Variants in TMEM26 observed in about 807,000 individuals in gnomAD.
TMEM26 encodes transmembrane protein 26.
Under a neutral mutation model 28.8 loss-of-function variants are expected in TMEM26, and 38 were observed. That is an observed-to-expected ratio of 1.32 (90% CI 1.02 to 1.73). The LOEUF is 1.73. TMEM26 is among the 40% of genes most tolerant of loss of function. The pLI, the probability that TMEM26 is intolerant of heterozygous loss-of-function variation, is 0.00. For missense variants in TMEM26, 518 were observed against 447.1 expected, an observed-to-expected ratio of 1.16 and a Z score of -1.43; for synonymous variants, 227 against 182.9, an observed-to-expected ratio of 1.24 and a Z score of -1.95.
rs1564487323 is a variant in TMEM26, at chr10:61,452,897, T to A, written c.185A>T (p.Tyr62Phe). 1 of 1,612,922 alleles carries A rather than the reference T, an allele frequency of 6.2e-7. No homozygotes were observed. Among genetic ancestry groups the A allele is most frequent in the African/African-American group, 1.3e-5 (1 of 75,014 alleles). ...LTLKFKRGRG[Y>F]KWFSPAIFLY... ...TTTCCCGGGGCACTCTCACCATTTG[T>A]AGCCTCTGCCGCGCTTGAACTTGAG... Residue 62 changes from tyrosine (Y) to phenylalanine (F), a missense_variant, in exon 1 of 6, where the codon TAC becomes TTC. Physicochemically the swap from Tyr to Phe is conservative, Grantham distance 22. Coordinates refer to ENST00000399298, the MANE Select transcript of TMEM26 (RefSeq NM_178505.8).
At chr10:61,415,045 T>G in intron 4 of TMEM26, 2 of 985,340 alleles carry the variant, frequency 2.0e-6, no homozygotes, top group South Asian at 9.4e-5. Flanking sequence ...TTATCATGAC[T>G]TGGTGGACAT....
At chr10:61,439,761 T>C (rs12244298) in intron 1 of TMEM26, among the ~76,000 whole-genome samples, 15,026 of 152,160 alleles carry the variant, frequency 0.099, 1,586 homozygotes, top group African/African-American at 0.26. Flanking sequence ...TGCAATGAGA[T>C]TGACACTTTA....
At chr10:61,450,989 G>A (rs1840268933) in intron 1 of TMEM26, among the ~76,000 whole-genome samples, 1 of 152,110 alleles carries the variant, frequency 6.6e-6, no homozygotes, top group Non-Finnish European at 1.5e-5. Flanking sequence ...TCACCTATGA[G>A]GTAAGTATTC....
chr10:61,427,438 G>A (rs370973439), intron 4 of TMEM26, among the ~76,000 whole-genome samples: 2 of 152,112 alleles, frequency 1.3e-5, no homozygotes, highest in South Asian at 4.1e-4. Flanking sequence ...GTGGGTGAGT[G>A]AAAAAATGCC....
chr10:61,449,289 A>AT (rs958659918), intron 1 of TMEM26, among the ~76,000 whole-genome samples: 1 of 151,174 alleles, frequency 6.6e-6, no homozygotes, highest in Non-Finnish European at 1.5e-5. Context: ...AGGAGTGCAT[A>AT]TTTTTTTTAG....
intron 2 of TMEM26, among the ~76,000 whole-genome samples, chr10:61,433,620 G>A (rs377465280): frequency 2.8e-4 from 42 of 152,246 alleles, no homozygotes; most frequent in Admixed American, 1.7e-3. Flanking sequence ...ATTCAGGAAT[G>A]AAGGTAAGAA....
chr10:61,448,598 G>T (rs539209574), intron 1 of TMEM26, among the ~76,000 whole-genome samples: 1 of 150,080 alleles, frequency 6.7e-6, no homozygotes, highest in South Asian at 2.1e-4. Context: ...AATGTCGACC[G>T]TGTTTGTTTT....
intron 4 of TMEM26, among the ~76,000 whole-genome samples, chr10:61,420,855 G>C (rs1313876481): frequency 5.3e-5 from 8 of 152,042 alleles, no homozygotes; most frequent in Admixed American, 1.3e-4. Flanking sequence ...TGAAGTGCAT[G>C]AAAATGATAA....
rs1839550734 is a variant in TMEM26, at chr10:61,410,484, C to T, written c.945G>A (p.Leu315=). ...CTTTCAGGCCTTCTGACTGACTTCT[C>T]AACGAAGCACGGACTGCCAATGCCA... ...VVLALAVRAS[L]RSQSEGLKGE... Residue 315 remains leucine, a synonymous_variant, in exon 6 of 6, where the codon TTG becomes TTA. Transcript: ENST00000399298. The T allele has an allele frequency of 6.2e-7, 1 of 1,614,140 alleles. No individual in the cohort carries two copies. The highest frequency in any genetic ancestry group is 8.5e-7 in the Non-Finnish European group (1 of 1,180,026).
chr10:61,413,405 A>G (rs1349691181), intron 5 of TMEM26, 54 bp downstream of exon 5: 1 of 1,591,816 alleles, frequency 6.3e-7, no homozygotes, highest in Non-Finnish European at 8.5e-7. Context: ...TAGCATAGTT[A>G]ATAATCAAGA....
Position 61,412,894 on chromosome 10 carries a change from T to C in TMEM26, c.682+565A>G, listed in dbSNP as rs1445108611. ...AAACAGATTACTTCTTGCAAAATCT[T>C]AGGGGTTTATGTTTTTATTAAAGTA... is the stretch of plus-strand genomic sequence containing the variant. On this transcript the variant is annotated intron_variant, in intron 5 of 5. Coordinates refer to ENST00000399298, the MANE Select transcript of TMEM26 (RefSeq NM_178505.8). The C allele has an allele frequency of 2.4e-6, 3 of 1,269,576 alleles. No homozygotes were observed. The South Asian group carries it at 4.0e-5, about 17-fold the overall frequency. The allele number at this position is 1,269,576 out of a possible 1,614,324, so 78.6% of individuals were successfully genotyped here.
chr10:61,440,514 CAAAAAAAA>C (rs60111640), intron 1 of TMEM26, among the ~76,000 whole-genome samples: 59 of 99,056 alleles, frequency 6.0e-4, no homozygotes, highest in Admixed American at 3.2e-3. Flanking sequence ...TTCCAGTTCT[CAAAAAAAA>C]AAAAAAAAAA....
rs578056407 is a variant in TMEM26 at position 61,423,979 on chromosome 10, A to C, written c.605+4947T>G. Among the ~76,000 whole-genome samples the C allele has an allele frequency of 5.0e-4, 76 of 152,348 alleles. 1 individual carries two copies. Among genetic ancestry groups the C allele is most frequent in the African/African-American group, 1.8e-3 (74 of 41,578 alleles). ...TCAAACTGGTAAAGGGCATCTATACAAAACCCACAAGTAACATCATCTTTA... is the reference window on the plus strand; with the variant it reads ...TCAAACTGGTAAAGGGCATCTATACCAAACCCACAAGTAACATCATCTTTA... On this transcript the variant is annotated intron_variant, in intron 4 of 5. Coordinates refer to ENST00000399298, the MANE Select transcript of TMEM26 (RefSeq NM_178505.8).
At chr10:61,441,825 A>G (rs1840097794) in intron 1 of TMEM26, among the ~76,000 whole-genome samples, 1 of 152,220 alleles carries the variant, frequency 6.6e-6, no homozygotes, top group Non-Finnish European at 1.5e-5. Flanking sequence ...CTTGTCCAAT[A>G]TGAATTCTTC....
chr10:61,410,629 G>T lies in TMEM26; in HGVS notation c.800C>A (p.Pro267His). 6.2e-7 allele frequency: 1 copy of T among 1,614,074 alleles called. No homozygotes were observed. Among genetic ancestry groups the T allele is most frequent in the Non-Finnish European group, 8.5e-7 (1 of 1,179,994 alleles). ...IGISVFIQDGPFLVVRLILMT... is the reference protein window; with the variant it reads ...IGISVFIQDGHFLVVRLILMT... ...CAGTATGAGACGCACGACAAGGAAG[G>T]GGCCATCTTGTATGAAGACGCTGAT... The change falls in exon 6 of 6, where the codon CCC becomes CAC. Residue 267 changes from proline (P) to histidine (H), a missense_variant. Coordinates refer to ENST00000399298, the MANE Select transcript of TMEM26 (RefSeq NM_178505.8).
At chr10:61,415,590 A>G (rs1839638460) in intron 4 of TMEM26, among the ~76,000 whole-genome samples, 1 of 152,094 alleles carries the variant, frequency 6.6e-6, no homozygotes, top group East Asian at 1.9e-4. Context: ...AGAGTTGAGG[A>G]AATTTGTCCA....
At chr10:61,441,862 A>G (rs1490740143) in intron 1 of TMEM26, among the ~76,000 whole-genome samples, 1 of 152,064 alleles carries the variant, frequency 6.6e-6, no homozygotes. Flanking sequence ...GCTCAACTAT[A>G]TTTTCATATA....
intron 1 of TMEM26, among the ~76,000 whole-genome samples, 179 bp from the exon 2 acceptor site, chr10:61,436,427 A>G (rs969873668): frequency 5.3e-5 from 8 of 152,324 alleles, no homozygotes; most frequent in Middle Eastern, 3.4e-3. Flanking sequence ...GATTTCTGCC[A>G]TATGGATTAT....
At position 61,410,343 on chromosome 10, in the gene TMEM26, G is replaced by A. The variant is rs545126171; in HGVS notation, c.1086C>T (p.Asp362=). The A allele has an allele frequency of 1.2e-6, 2 of 1,612,890 alleles. No homozygotes were observed. Among genetic ancestry groups the A allele is most frequent in the Non-Finnish European group, 1.7e-6 (2 of 1,179,198 alleles). ...IPLRGSPVTS[D]DSHHTP is the part of the protein sequence containing the mutation. Reference sequence around the variant, plus strand: ...ATAACTAAGGGGTGTGGTGGGAGTCGTCGGAGGTGACTGGGGAGCCCCGCA... The same window carrying A: ...ATAACTAAGGGGTGTGGTGGGAGTCATCGGAGGTGACTGGGGAGCCCCGCA... Residue 362 remains aspartate, a synonymous_variant, in exon 6 of 6, where the codon GAC becomes GAT. Coordinates refer to ENST00000399298, the MANE Select transcript of TMEM26 (RefSeq NM_178505.8).
Sources: allele counts gnomAD v4.1 joint callset (sites outside exome capture counted in the v4.1 genomes callset), GRCh38; gene constraint gnomAD v4.1.1; transcripts MANE v1.5; gene names NCBI Gene and HGNC (gene_info 2026-07-23, HGNC 2026-07-21).